Variants in LTA4H observed in about 807,000 individuals in gnomAD.
The protein encoded by LTA4H is leukotriene A4 hydrolase, also known as leukotriene A-4 hydrolase.
A neutral mutation model predicts 89.8 loss-of-function variants in LTA4H; 59 were observed. The observed-to-expected ratio is 0.66, with a 90% CI of 0.53 to 0.82. The LOEUF (loss-of-function observed/expected upper bound fraction) is 0.82, where lower values mean the gene tolerates loss of function less well. Among genes scored for constraint, LTA4H ranks in the 40% least tolerant of loss-of-function variants. The pLI, the probability that LTA4H is intolerant of heterozygous loss-of-function variation, is 0.00. For missense variants in LTA4H, 617 were observed against 727.0 expected, an observed-to-expected ratio of 0.85 and a Z score of 1.74; for synonymous variants, 227 against 253.1, an observed-to-expected ratio of 0.90 and a Z score of 0.98.
intron 4 of LTA4H, among the ~76,000 whole-genome samples, chr12:96,024,091 G>C (rs1467822338): frequency 6.6e-6 from 1 of 151,700 alleles, no homozygotes; most frequent in Non-Finnish European, 1.5e-5. Context: ...CACCATGCCC[G>C]GCTAATTTTT....
At position 96,031,369 on chromosome 12, in the gene LTA4H, A is replaced by C. The variant is rs555767957; in HGVS notation, c.160-2184T>G. Among the ~76,000 whole-genome samples the C allele has an allele frequency of 2.4e-4, 36 of 152,356 alleles. 1 individual carries two copies. The highest frequency in any genetic ancestry group is 8.2e-4 in the African/African-American group (34 of 41,586). ...TTAAGCTGTATTATCTCAAGTCCTA[A>C]GTCTCAACTATCATTTGCAAACTAC... On this transcript the variant is annotated intron_variant, in intron 1 of 18. Transcript: ENST00000228740.
chr12:96,037,845 C>T (rs1218849106), upstream of LTA4H, among the ~76,000 whole-genome samples: 4 of 151,776 alleles, frequency 2.6e-5, no homozygotes, highest in Non-Finnish European at 4.4e-5. Flanking sequence ...TCACCAAGAC[C>T]GACTAATTTT....
intron 1 of LTA4H, among the ~76,000 whole-genome samples, chr12:96,034,254 G>A (rs1950609191): frequency 1.3e-5 from 2 of 152,150 alleles, no homozygotes; most frequent in Admixed American, 1.3e-4. Flanking sequence ...TGAAGAAGCC[G>A]AATTTGGCTG....
At chr12:96,026,535 C>T (rs1950515025) in intron 3 of LTA4H, among the ~76,000 whole-genome samples, 2 of 152,184 alleles carry the variant, frequency 1.3e-5, no homozygotes, top group South Asian at 4.1e-4. Flanking sequence ...GCAATTTGTA[C>T]ACTCTTGCGT....
chr12:96,009,306 A>C (rs1164263347), intron 14 of LTA4H, 158 bp from the exon 15 acceptor site: 2 of 587,172 alleles, frequency 3.4e-6, no homozygotes, highest in Non-Finnish European at 6.0e-6. Flanking sequence ...TAACTTACAT[A>C]CTACTGGCAT....
upstream of LTA4H, among the ~76,000 whole-genome samples, chr12:96,037,851 A>AT (rs1318977256): frequency 2.6e-5 from 4 of 152,010 alleles, no homozygotes; most frequent in African/African-American, 9.7e-5. Context: ...AGACCGACTA[A>AT]TTTTTTGTGT....
Position 96,013,818 on chromosome 12 carries a change from T to C in LTA4H, c.1240A>G (p.Lys414Glu), listed in dbSNP as rs1341250368. ...FLGFLKAYVE[K>E]FSYKSITTDD... ...GTAGTTATGCTCTTATAGGAAAACTTCTCAACATAAGCTTTTAAGAATCCT... is the reference window on the plus strand; with the variant it reads ...GTAGTTATGCTCTTATAGGAAAACTCCTCAACATAAGCTTTTAAGAATCCT... Residue 414 changes from lysine to glutamate, a missense_variant, in exon 13 of 19, where the codon AAG becomes GAG. Coordinates refer to ENST00000228740, the MANE Select transcript of LTA4H (RefSeq NM_000895.3). The C allele has an allele frequency of 2.5e-6, 4 of 1,574,550 alleles. No individual in the cohort carries two copies. The highest frequency in any genetic ancestry group is 2.6e-6 in the Non-Finnish European group (3 of 1,151,744).
chr12:96,033,492 C>A (rs554783437), intron 1 of LTA4H, among the ~76,000 whole-genome samples: 1 of 152,288 alleles, frequency 6.6e-6, no homozygotes, highest in African/African-American at 2.4e-5. Context: ...ATTTTTAAAT[C>A]TCTAGTACTT....
At chr12:96,043,224 A>C (rs1483941710) in intron 1 of LTA4H, 21 of 1,174,410 alleles carry the variant, frequency 1.8e-5, no homozygotes, top group Non-Finnish European at 2.4e-5. Flanking sequence ...AGGTGAATTG[A>C]AGGGGTAGGC....
chr12:96,011,029 ACACGAATGATTCCAGGGTTCCTCCAG>A (rs1950293982), intron 14 of LTA4H: 2 of 152,204 alleles, frequency 1.3e-5, no homozygotes, highest in Admixed American at 1.3e-4. Flanking sequence ...ATTCCCGGGC[ACACGAATGATTCCAGGGTTCCTCCAG>A]CACTTTGGTA....
intron 13 of LTA4H, 130 bp from the exon 14 acceptor site, chr12:96,013,388 T>A: frequency 1.7e-6 from 1 of 598,684 alleles, no homozygotes. Context: ...TAAATCTTTT[T>A]TAAAAATTAA....
intron 18 of LTA4H, 119 bp from the exon 19 acceptor site, chr12:96,001,225 GAA>G (rs1343497923): frequency 1.5e-6 from 1 of 672,730 alleles, no homozygotes; most frequent in Non-Finnish European, 2.7e-6. Context: ...AAAGGAAGGA[GAA>G]AGAGAATAAG....
chr12:96,016,899 CAA>C (rs201954724), intron 10 of LTA4H, 143 bp downstream of exon 10: 3,136 of 496,908 alleles, frequency 6.3e-3, no homozygotes, highest in Admixed American at 7.9e-3. Flanking sequence ...GACTCCATGT[CAA>C]AAAAAAAAAA....
rs1950356805 is a variant in LTA4H at position 96,015,070 on chromosome 12, G to A, written c.1060-71C>T. ...ATCACCACGCAAATAAGCTAATAAG[G>A]AGGTATTACTTCACTCAGTGGTGTA... On this transcript the variant is annotated intron_variant, in intron 11 of 18. Transcript: ENST00000228740. The A allele has an allele frequency of 2.5e-5, 35 of 1,414,198 alleles. No homozygotes were observed. In the South Asian group the frequency reaches 3.7e-4, roughly 15 times the overall value. 87.6% of individuals were successfully genotyped at this position (1,414,198 alleles called of 1,614,324 possible). A position where few individuals can be genotyped will look rare whatever the true frequency, so the allele number is the denominator to read the frequency against.
In LTA4H at chr12:96,029,157, T is replaced by C; in HGVS notation, c.188A>G (p.Glu63Gly). The change falls in exon 2 of 19, where the codon GAA becomes GGA. Residue 63 changes from glutamate (E) to glycine (G), a missense_variant. Glu to Gly is a moderately conservative substitution (Grantham distance 98). Transcript: ENST00000228740. ...TTCTTGTCCATTGATCACTACTTTT[T>C]CTATTGTAAGGTCCTTTGTATCCAA... ...LVLDTKDLTI[E>G]KVVINGQEVK... The C allele has an allele frequency of 6.4e-7, 1 of 1,570,370 alleles. No homozygotes were observed. Among genetic ancestry groups the C allele is most frequent in the Non-Finnish European group, 8.7e-7 (1 of 1,148,684 alleles).
intron 18 of LTA4H, among the ~76,000 whole-genome samples, chr12:96,002,656 CCAATTAT>C (rs1409703872): frequency 1.3e-5 from 2 of 152,202 alleles, no homozygotes; most frequent in Non-Finnish European, 2.9e-5. Context: ...TACCTACCCA[CCAATTAT>C]CTTCTAGTTA....
chr12:96,015,510 G>T, intron 11 of LTA4H, 73 bp downstream of exon 11: 1 of 1,064,448 alleles, frequency 9.4e-7, no homozygotes, highest in Non-Finnish European at 1.4e-6. Flanking sequence ...CAGTAAAGAC[G>T]CTTTTATAAA....
intron 13 of LTA4H, 31 bp from the exon 14 acceptor site, chr12:96,013,289 T>C (rs531978160): frequency 1.6e-5 from 24 of 1,493,636 alleles, no homozygotes; most frequent in African/African-American, 9.6e-5. Context: ...CAGTTTACAA[T>C]AGAATGCCCT....
intron 12 of LTA4H, 170 bp from the exon 13 acceptor site, chr12:96,014,023 T>C (rs1415124935): frequency 7.7e-6 from 4 of 519,794 alleles, no homozygotes; most frequent in Middle Eastern, 3.5e-4. Context: ...GAGGTGGGAC[T>C]TAAGTTGGGC....
Sources: gnomAD v4.1 joint callset for allele counts (sites outside exome capture counted in the v4.1 genomes callset) on GRCh38, gnomAD v4.1.1 for gene constraint, MANE v1.5 for transcripts, NCBI Gene and HGNC (gene_info 2026-07-23, HGNC 2026-07-21) for gene names.